Variants in ARHGAP22 observed in about 807,000 individuals in gnomAD.
ARHGAP22 encodes rho GTPase-activating protein 22.
Under a neutral mutation model 59.1 loss-of-function variants are expected in ARHGAP22, and 48 were observed. The ratio of observed to expected loss-of-function variants is 0.81; its 90% CI spans 0.64 to 1.03. The LOEUF (loss-of-function observed/expected upper bound fraction) is 1.03, where lower values mean the gene tolerates loss of function less well. Among genes scored for constraint, ARHGAP22 ranks in the 50% least tolerant of loss-of-function variants. ARHGAP22 has a pLI of 0.00. For missense variants in ARHGAP22, 1,015 were observed against 958.7 expected, an observed-to-expected ratio of 1.06 and a Z score of -0.78; for synonymous variants, 445 against 416.4, an observed-to-expected ratio of 1.07 and a Z score of -0.84.
chr10:48,582,374 T>C (rs1467498805), intron 2 of ARHGAP22, among the ~76,000 whole-genome samples: 3 of 152,234 alleles, frequency 2.0e-5, no homozygotes, highest in Non-Finnish European at 4.4e-5. Flanking sequence ...TACCTCATTA[T>C]GACGTTTGCA....
intron 1 of ARHGAP22, among the ~76,000 whole-genome samples, chr10:48,619,903 G>A (rs2061224217): frequency 6.6e-6 from 1 of 152,154 alleles, no homozygotes; most frequent in Admixed American, 6.6e-5. Context: ...CCCAAAGAAT[G>A]AATAGACAAG....
upstream of ARHGAP22, among the ~76,000 whole-genome samples, chr10:48,605,387 T>C (rs1303778459): frequency 7.3e-6 from 1 of 136,930 alleles, no homozygotes; most frequent in African/African-American, 2.7e-5. Flanking sequence ...CTCACTGTTT[T>C]ACGTGTTGAA....
chr10:48,511,499 A>G (rs2052762998), intron 3 of ARHGAP22: 1 of 152,278 alleles, frequency 6.6e-6, no homozygotes, highest in African/African-American at 2.4e-5. Flanking sequence ...CCCTATTGGT[A>G]AACGGAGGAA....
In ARHGAP22 at chr10:48,450,415, C is replaced by T. The variant is rs774629741; in HGVS notation, c.1714G>A (p.Glu572Lys). 4.5e-6 allele frequency: 7 copies of T among 1,569,944 alleles called. No homozygotes were observed. Among genetic ancestry groups the T allele is most frequent in the Middle Eastern group, 1.7e-4 (1 of 5,848 alleles). ...KSLDLDHSMD[E>K]AGAGASNSEP... ...CTGTTGCTGGCACCCGCGCCCGCCT[C>T]GTCCATGCTGTGGTCCAGGTCCAGG... The change falls in exon 9 of 10, where the codon GAG (glutamate) becomes AAG (lysine). Residue 572 changes from glutamate (E) to lysine (K), a missense_variant. By Grantham distance (56) the Glu-to-Lys change is moderately conservative. Coordinates refer to ENST00000249601, the MANE Select transcript of ARHGAP22 (RefSeq NM_021226.4).
intron 1 of ARHGAP22, among the ~76,000 whole-genome samples, chr10:48,628,422 G>T (rs780309888): frequency 6.6e-6 from 1 of 152,200 alleles, no homozygotes; most frequent in Non-Finnish European, 1.5e-5. Context: ...AAGGTCACTG[G>T]CTAGCAGATG....
intron 1 of ARHGAP22, among the ~76,000 whole-genome samples, chr10:48,589,528 T>C (rs143502268): frequency 1.3e-5 from 2 of 152,234 alleles, no homozygotes; most frequent in Non-Finnish European, 2.9e-5. Flanking sequence ...TGGGCCTATG[T>C]CCAAATTCAA....
intron 2 of ARHGAP22, among the ~76,000 whole-genome samples, chr10:48,576,279 C>T (rs533217816): frequency 1.3e-5 from 2 of 152,210 alleles, no homozygotes; most frequent in African/African-American, 4.8e-5. Context: ...CAGAGGCCAG[C>T]GTGGGGCTCA....
At chr10:48,442,774 T>C (rs544638677), downstream of ARHGAP22, among the ~76,000 whole-genome samples, 2 of 151,988 alleles carry the variant, frequency 1.3e-5, no homozygotes, top group Non-Finnish European at 2.9e-5. Context: ...GAGGAAATAA[T>C]TATAGAAAAA....
chr10:48,528,769 T>C (rs557655086), intron 3 of ARHGAP22, among the ~76,000 whole-genome samples: 9 of 152,286 alleles, frequency 5.9e-5, no homozygotes, highest in East Asian at 1.9e-4. Context: ...GTAGTTCACA[T>C]GAGGGCTGGT....
At chr10:48,447,613 C>T (rs917811973) in intron 9 of ARHGAP22, among the ~76,000 whole-genome samples, 1 of 152,188 alleles carries the variant, frequency 6.6e-6, no homozygotes, top group Non-Finnish European at 1.5e-5. Context: ...GAGAAGCCAC[C>T]CACCTCCCCA....
At chr10:48,451,622 A>T in intron 8 of ARHGAP22, 1 of 693,946 alleles carries the variant, frequency 1.4e-6, no homozygotes, top group Non-Finnish European at 2.6e-6. Context: ...GTGGGGGCAC[A>T]CACATACAAT....
intron 3 of ARHGAP22, among the ~76,000 whole-genome samples, chr10:48,496,689 T>C (rs10857585): frequency 0.27 from 40,466 of 152,036 alleles, 5,522 homozygotes; most frequent in South Asian, 0.36. Flanking sequence ...AGAATATCTG[T>C]AGGAAGACAG....
At chr10:48,461,699 G>C (rs1387428387) in intron 4 of ARHGAP22, among the ~76,000 whole-genome samples, 1 of 152,218 alleles carries the variant, frequency 6.6e-6, no homozygotes, top group Non-Finnish European at 1.5e-5. Context: ...ACAGACTTGT[G>C]CCAGCCCCTA....
At chr10:48,563,358 T>C (rs1352162114) in intron 2 of ARHGAP22, among the ~76,000 whole-genome samples, 1 of 152,050 alleles carries the variant, frequency 6.6e-6, no homozygotes, top group African/African-American at 2.4e-5. Flanking sequence ...CACGCCTGGC[T>C]AATTTTTTGT....
intron 3 of ARHGAP22, among the ~76,000 whole-genome samples, chr10:48,536,805 T>C (rs1054305585): frequency 2.0e-5 from 3 of 152,150 alleles, no homozygotes; most frequent in Non-Finnish European, 1.5e-5. Flanking sequence ...GGCAATGTAA[T>C]GTCTATTTCT....
intron 1 of ARHGAP22, among the ~76,000 whole-genome samples, chr10:48,638,099 C>A (rs942819310): frequency 6.6e-6 from 1 of 152,174 alleles, no homozygotes; most frequent in Non-Finnish European, 1.5e-5. Context: ...CCCTTAGAAT[C>A]TTAGAATGGC....
chr10:48,596,989 T>C (rs949695042), intron 1 of ARHGAP22, among the ~76,000 whole-genome samples: 4 of 152,188 alleles, frequency 2.6e-5, no homozygotes, highest in African/African-American at 4.8e-5. Flanking sequence ...CCTGGACTCA[T>C]GACTCTGCTG....
At chr10:48,638,390 A>AGT (rs1180960809) in intron 1 of ARHGAP22, among the ~76,000 whole-genome samples, 2 of 151,226 alleles carry the variant, frequency 1.3e-5, no homozygotes, top group African/African-American at 4.9e-5. Context: ...GCGGGCCAGG[A>AGT]GTGTGTGTGT....
chr10:48,600,597 G>C (rs537575248), intron 1 of ARHGAP22, among the ~76,000 whole-genome samples: 1 of 151,192 alleles, frequency 6.6e-6, no homozygotes, highest in East Asian at 1.9e-4. Flanking sequence ...GGCCACTCTT[G>C]TTCAAAGATC....
Sources: gnomAD v4.1 joint callset for allele counts (sites outside exome capture counted in the v4.1 genomes callset) on GRCh38, gnomAD v4.1.1 for gene constraint, MANE v1.5 for transcripts, NCBI Gene and HGNC (gene_info 2026-07-23, HGNC 2026-07-21) for gene names.